The following SORCS3 variants were observed in gnomAD, a reference collection of about 807,000 sequenced individuals.
The protein encoded by SORCS3 is sortilin related VPS10 domain containing receptor 3.
In SORCS3, 57 loss-of-function variants were observed where a neutral mutation model predicts 146.3. That is an observed-to-expected ratio of 0.39 (90% CI 0.31 to 0.49). The LOEUF is 0.49. Among genes scored for constraint, SORCS3 ranks in the 20% least tolerant of loss-of-function variants. SORCS3 has a pLI of 0.92. For synonymous variants in SORCS3, 653 were observed against 618.5 expected, an observed-to-expected ratio of 1.06 and a Z score of -0.83; for missense variants, 1,341 against 1,575.5, an observed-to-expected ratio of 0.85 and a Z score of 2.52.
intron 2 of SORCS3, among the ~76,000 whole-genome samples, chr10:104,903,948 T>C (rs554815103): frequency 1.3e-5 from 2 of 152,312 alleles, no homozygotes; most frequent in South Asian, 4.1e-4. Context: ...AAACTATAGT[T>C]TTTTAAATAA....
At chr10:105,136,435 T>A (rs997824613) in intron 7 of SORCS3, among the ~76,000 whole-genome samples, 4 of 152,148 alleles carry the variant, frequency 2.6e-5, no homozygotes, top group Non-Finnish European at 4.4e-5. Context: ...CATTGAGGAG[T>A]AATTTTCAAC....
In SORCS3 at chr10:104,805,818, A is replaced by C. The variant is rs143794284; in HGVS notation, c.628-36974A>C. ...TCCAGGTTTCCTCTCTTCATACCTC[A>C]CACTCTCTACCCTTGCACAAACTCT... On this transcript the variant is annotated intron_variant, in intron 1 of 26. Transcript: ENST00000369701. 3.1e-4 allele frequency among the ~76,000 whole-genome samples: 47 copies of C among 152,034 alleles called. No homozygotes were observed. In the East Asian group the frequency reaches 7.5e-3, roughly 24 times the overall value.
Position 105,201,076 on chromosome 10 carries a change from C to CT in SORCS3, c.2128-39dup, listed in dbSNP as rs1189216721. On this transcript the variant is annotated intron_variant, in intron 15 of 26. Transcript: ENST00000369701. ...GTTGACAACTGGTTTATTTCACCACCTTTTTGTTTTTCTGTCTCTCACACT... is the reference window on the plus strand; with the variant it reads ...GTTGACAACTGGTTTATTTCACCACCTTTTTTGTTTTTCTGTCTCTCACACT... 5 of 1,597,364 alleles carry CT rather than the reference C, an allele frequency of 3.1e-6. No individual in the cohort carries two copies. In the Admixed American group the frequency reaches 8.9e-5, roughly 28 times the overall value.
At chr10:105,225,922 G>A (rs1288551376) in intron 20 of SORCS3, among the ~76,000 whole-genome samples, 3 of 151,820 alleles carry the variant, frequency 2.0e-5, no homozygotes, top group South Asian at 2.1e-4. Flanking sequence ...TTTGTATTCC[G>A]CAACTTTACT....
intron 7 of SORCS3, among the ~76,000 whole-genome samples, chr10:105,124,138 T>C (rs1246941020): frequency 6.6e-6 from 1 of 152,214 alleles, no homozygotes; most frequent in East Asian, 1.9e-4. Flanking sequence ...AACTTCTTTC[T>C]CCTTAGCCAG....
At chr10:105,060,975 A>G (rs1416799395) in intron 5 of SORCS3, among the ~76,000 whole-genome samples, 1 of 152,100 alleles carries the variant, frequency 6.6e-6, no homozygotes, top group Admixed American at 6.5e-5. Flanking sequence ...AGTTAAAAAC[A>G]ATTTAAGTAT....
intron 2 of SORCS3, among the ~76,000 whole-genome samples, chr10:104,857,640 C>T (rs1346923539): frequency 6.6e-6 from 1 of 152,092 alleles, no homozygotes; most frequent in African/African-American, 2.4e-5. Flanking sequence ...AACTTTTCCC[C>T]CCAGAATCTC....
chr10:104,933,548 A>T (rs974231360), intron 3 of SORCS3, among the ~76,000 whole-genome samples: 1 of 152,124 alleles, frequency 6.6e-6, no homozygotes. Flanking sequence ...ACAGAGAGGG[A>T]TACTGTAACA....
intron 3 of SORCS3, among the ~76,000 whole-genome samples, chr10:104,956,924 C>T (rs146795747): frequency 6.6e-6 from 1 of 152,130 alleles, no homozygotes; most frequent in Non-Finnish European, 1.5e-5. Context: ...GTGAGTGTGG[C>T]TGGGATCCGA....
chr10:104,662,298 A>G (rs2015712777), intron 1 of SORCS3, among the ~76,000 whole-genome samples: 1 of 152,232 alleles, frequency 6.6e-6, no homozygotes, highest in African/African-American at 2.4e-5. Context: ...ATAATAGACC[A>G]CAATTAGGAT....
At chr10:105,159,230 C>T (rs372886869) in intron 11 of SORCS3, among the ~76,000 whole-genome samples, 3 of 152,294 alleles carry the variant, frequency 2.0e-5, no homozygotes, top group East Asian at 1.9e-4. Flanking sequence ...GTCCCCTGTG[C>T]TTAGGAAGAG....
intron 8 of SORCS3, among the ~76,000 whole-genome samples, chr10:105,139,954 G>A (rs2056084214): frequency 6.6e-6 from 1 of 152,128 alleles, no homozygotes; most frequent in Non-Finnish European, 1.5e-5. Context: ...CTGCCACCAT[G>A]AGTAATTAAA....
intron 2 of SORCS3, among the ~76,000 whole-genome samples, chr10:104,909,980 T>G (rs1327476200): frequency 6.6e-6 from 1 of 152,090 alleles, no homozygotes; most frequent in Non-Finnish European, 1.5e-5. Flanking sequence ...CAGGTCAGAC[T>G]GGGGGTTCCT....
chr10:105,018,846 T>A (rs1268071408), intron 4 of SORCS3, among the ~76,000 whole-genome samples: 3 of 152,138 alleles, frequency 2.0e-5, no homozygotes, highest in Non-Finnish European at 2.9e-5. Flanking sequence ...TATTATTGGT[T>A]ACACTTATGA....
chr10:104,826,571 T>G (rs1223154844), intron 1 of SORCS3, among the ~76,000 whole-genome samples: 1 of 152,196 alleles, frequency 6.6e-6, no homozygotes, highest in Non-Finnish European at 1.5e-5. Flanking sequence ...TAAAAATATT[T>G]TATTGCTAAA....
chr10:105,152,695 G>A (rs1326765580), intron 9 of SORCS3, among the ~76,000 whole-genome samples: 5 of 152,078 alleles, frequency 3.3e-5, no homozygotes, highest in East Asian at 3.9e-4. Flanking sequence ...TAGTTTCTTC[G>A]TTCCCGTAGC....
chr10:104,947,714 C>A (rs549494761), intron 3 of SORCS3, among the ~76,000 whole-genome samples: 61 of 152,192 alleles, frequency 4.0e-4, no homozygotes, highest in African/African-American at 1.3e-3. Flanking sequence ...TCTCTGCCTC[C>A]CAGGTTCAAG....
At chr10:104,883,199 G>A (rs1255272406) in intron 2 of SORCS3, among the ~76,000 whole-genome samples, 1 of 152,172 alleles carries the variant, frequency 6.6e-6, no homozygotes, top group Non-Finnish European at 1.5e-5. Context: ...CAGCAGAGGT[G>A]GAAGGAATCT....
intron 7 of SORCS3, among the ~76,000 whole-genome samples, chr10:105,137,818 T>G (rs2056068991): frequency 6.7e-6 from 1 of 150,208 alleles, no homozygotes. Flanking sequence ...TTGATCTAGT[T>G]TCTGGGTTAG....
Sources: allele counts gnomAD v4.1 joint callset (sites outside exome capture counted in the v4.1 genomes callset), GRCh38; gene constraint gnomAD v4.1.1; transcripts MANE v1.5; gene names NCBI Gene and HGNC (gene_info 2026-07-23, HGNC 2026-07-21).